Variants in DACH2 observed in about 807,000 individuals in gnomAD.
DACH2 encodes the protein dachshund homolog 2.
A neutral mutation model predicts 35.8 loss-of-function variants in DACH2; 17 were observed. That is an observed-to-expected ratio of 0.48 (90% CI 0.33 to 0.71). The LOEUF (loss-of-function observed/expected upper bound fraction) is 0.71, where lower values mean the gene tolerates loss of function less well. Among genes scored for constraint, DACH2 ranks in the 30% least tolerant of loss-of-function variants. The pLI is 0.02. For synonymous variants in DACH2, 195 were observed against 177.3 expected (o/e 1.10, Z -0.79); for missense variants, 469 against 472.7 (o/e 0.99, Z 0.07).
intron 3 of DACH2, among the ~76,000 whole-genome samples, chrX:86,553,696 T>C (rs1293189651): frequency 1.8e-5 from 2 of 112,024 alleles, no homozygotes; most frequent in Admixed American, 9.5e-5. Context: ...TATGTAGATA[T>C]GTTTAGAAAT....
intron 5 of DACH2, among the ~76,000 whole-genome samples, chrX:86,698,691 C>T (rs1317600080): frequency 9.3e-6 from 1 of 107,656 alleles, no homozygotes; most frequent in Non-Finnish European, 1.9e-5. Context: ...TGTGCCACCA[C>T]TCCTAGCTAA....
intron 11 of DACH2, among the ~76,000 whole-genome samples, chrX:86,818,179 G>GCA (rs1204167900): frequency 2.7e-5 from 3 of 111,386 alleles, no homozygotes. Context: ...GCTTCTCTTT[G>GCA]CACGACATTT....
At chrX:86,692,560 A>C (rs1341396746) in intron 4 of DACH2, among the ~76,000 whole-genome samples, 1 of 112,321 alleles carries the variant, frequency 8.9e-6, no homozygotes, top group Non-Finnish European at 1.9e-5. Context: ...TACCTAATGT[A>C]CCATTTCATA....
At chrX:86,421,342 G>A (rs1005295412) in intron 2 of DACH2, among the ~76,000 whole-genome samples, 1 of 111,324 alleles carries the variant, frequency 9.0e-6, no homozygotes, top group Non-Finnish European at 1.9e-5. Flanking sequence ...AGCAGCCCTA[G>A]GAGTTTGGTG....
At position 86,770,168 on chromosome X, in the gene DACH2, A is replaced by AT. The variant is rs11354691; in HGVS notation, c.1240+30297dup. Among the ~76,000 whole-genome samples, 20 of 105,438 alleles carry AT rather than the reference A, an allele frequency of 1.9e-4. 1 individual carries two copies. The South Asian group carries it at 3.8e-3, about 20-fold the overall frequency. 91.6% of individuals were successfully genotyped at this position (105,438 alleles called of 115,157 possible). On this transcript the variant is annotated intron_variant, in intron 7 of 11. Transcript: ENST00000373125. ...ATCAATGATGTAATAAGAGCCACTC[A>AT]TTTTTTTTTTTCATTCAAGCACTAA...
chrX:86,315,623 A>G (rs1015732562), intron 1 of DACH2, among the ~76,000 whole-genome samples: 1 of 111,727 alleles, frequency 9.0e-6, no homozygotes, highest in Non-Finnish European at 1.9e-5. Flanking sequence ...GAGGAGGTCA[A>G]CATCAATAGG....
At chrX:86,239,264 G>A (rs2033118048) in intron 1 of DACH2, among the ~76,000 whole-genome samples, 1 of 111,304 alleles carries the variant, frequency 9.0e-6, no homozygotes, top group Non-Finnish European at 1.9e-5. Context: ...ATACAACTTC[G>A]CTGATTTTTT....
intron 3 of DACH2, among the ~76,000 whole-genome samples, chrX:86,604,209 C>G (rs1466742558): frequency 9.0e-6 from 1 of 111,060 alleles, no homozygotes; most frequent in Non-Finnish European, 1.9e-5. Flanking sequence ...TACTTGTTCT[C>G]TTGTACATTT....
chrX:86,315,300 C>T (rs2034877618), intron 1 of DACH2, among the ~76,000 whole-genome samples: 1 of 112,023 alleles, frequency 8.9e-6, no homozygotes, highest in Non-Finnish European at 1.9e-5. Context: ...CTATTGAAAC[C>T]TACTGTTCAG....
At chrX:86,383,027 A>G (rs2036070057) in intron 2 of DACH2, among the ~76,000 whole-genome samples, 1 of 110,802 alleles carries the variant, frequency 9.0e-6, no homozygotes, top group South Asian at 3.7e-4. Context: ...CCACTAGTTC[A>G]GAGAATCAAA....
At chrX:86,284,460 T>C (rs1450536177) in intron 1 of DACH2, among the ~76,000 whole-genome samples, 3 of 111,683 alleles carry the variant, frequency 2.7e-5, no homozygotes, top group African/African-American at 9.8e-5. Context: ...ATAAATGATC[T>C]TTTACGTTTA....
chrX:86,548,737 ACTT>A (rs1403280164), intron 3 of DACH2, among the ~76,000 whole-genome samples: 2 of 112,178 alleles, frequency 1.8e-5, no homozygotes, highest in Non-Finnish European at 3.8e-5. Flanking sequence ...ATGTCTATCA[ACTT>A]CTTTATTTGC....
chrX:86,520,171 C>A (rs2038531735), intron 3 of DACH2, among the ~76,000 whole-genome samples: 2 of 111,728 alleles, frequency 1.8e-5, no homozygotes, highest in South Asian at 7.4e-4. Flanking sequence ...ACCCAAAAGT[C>A]ATTCAGGAGC....
chrX:86,476,705 C>A (rs887254789), intron 2 of DACH2, among the ~76,000 whole-genome samples: 1 of 111,309 alleles, frequency 9.0e-6, no homozygotes, highest in African/African-American at 3.3e-5. Flanking sequence ...GTTCAGTTTG[C>A]TCTAGCTTAC....
At chrX:86,530,184 T>TA (rs918859997) in intron 3 of DACH2, among the ~76,000 whole-genome samples, 3 of 111,868 alleles carry the variant, frequency 2.7e-5, no homozygotes, top group African/African-American at 3.3e-5. Context: ...TTTACTAATT[T>TA]AAAAAAACAT....
chrX:86,690,764 G>A (rs774581243), intron 4 of DACH2, among the ~76,000 whole-genome samples: 2 of 110,323 alleles, frequency 1.8e-5, no homozygotes, highest in East Asian at 6.1e-4. Context: ...TTTCTACGAA[G>A]TAAGGGCTTA....
intron 6 of DACH2, among the ~76,000 whole-genome samples, chrX:86,726,132 G>A (rs2041466481): frequency 1.8e-5 from 2 of 111,857 alleles, no homozygotes; most frequent in East Asian, 5.8e-4. Context: ...ATCAGGGAGG[G>A]TGGGGCCCCT....
chrX:86,335,640 G>T (rs765552531), intron 1 of DACH2, among the ~76,000 whole-genome samples: 16 of 112,093 alleles, frequency 1.4e-4, no homozygotes, highest in Middle Eastern at 4.6e-3. Context: ...AGCTTAAGGA[G>T]ATTTTGGGCT....
At chrX:86,224,075 C>A (rs903139596) in intron 1 of DACH2, among the ~76,000 whole-genome samples, 1 of 111,137 alleles carries the variant, frequency 9.0e-6, no homozygotes, top group Non-Finnish European at 1.9e-5. Context: ...GCCTCTGGGG[C>A]TATTGATCTG....
Sources: allele counts gnomAD v4.1 joint callset (sites outside exome capture counted in the v4.1 genomes callset), GRCh38; gene constraint gnomAD v4.1.1; transcripts MANE v1.5; gene names NCBI Gene and HGNC (gene_info 2026-07-23, HGNC 2026-07-21).